Variants in ARHGAP24 observed in about 807,000 individuals in gnomAD.
ARHGAP24 encodes the protein rho GTPase-activating protein 24.
A neutral mutation model predicts 76.4 loss-of-function variants in ARHGAP24; 50 were observed. That is an observed-to-expected ratio of 0.65 (90% CI 0.52 to 0.83). The LOEUF (loss-of-function observed/expected upper bound fraction) is 0.83, where lower values mean the gene tolerates loss of function less well. Ranked by LOEUF, ARHGAP24 falls within the 40% of genes least tolerant of loss-of-function variation. ARHGAP24 has a pLI of 0.00. For synonymous variants in ARHGAP24, 345 were observed against 323.3 expected (o/e 1.07, Z -0.72); for missense variants, 930 against 914.2 (o/e 1.02, Z -0.22).
chr4:85,682,548 C>A (rs528385240), intron 2 of ARHGAP24, among the ~76,000 whole-genome samples: 1 of 152,090 alleles, frequency 6.6e-6, no homozygotes, highest in Non-Finnish European at 1.5e-5. Context: ...TGGGAGCCAG[C>A]AAGAAGAGAG....
chr4:85,813,027 T>A (rs1246828556), intron 3 of ARHGAP24, among the ~76,000 whole-genome samples: 1 of 152,168 alleles, frequency 6.6e-6, no homozygotes, highest in African/African-American at 2.4e-5. Flanking sequence ...ACAGTTTCTT[T>A]TTTCACCCCT....
intron 2 of ARHGAP24, among the ~76,000 whole-genome samples, chr4:85,573,025 C>T (rs985731583): frequency 1.3e-4 from 20 of 151,658 alleles, no homozygotes; most frequent in East Asian, 1.9e-4. Context: ...TACATGAGTG[C>T]GCCACCACAC....
At chr4:86,000,458 C>CA (rs202024629) in intron 9 of ARHGAP24, 21 bp from the exon 10 acceptor site, 19 of 753,366 alleles carry the variant, frequency 2.5e-5, no homozygotes, top group Middle Eastern at 3.0e-4. Flanking sequence ...CACCCCCCAC[C>CA]CCCCCCAACA....
chr4:85,650,161 G>A (rs1721882332), intron 2 of ARHGAP24, among the ~76,000 whole-genome samples: 2 of 137,516 alleles, frequency 1.5e-5, no homozygotes, highest in Non-Finnish European at 2.9e-5. Flanking sequence ...GAATTATCTA[G>A]CATGTGTTCC....
chr4:85,727,380 C>A (rs1413297375), intron 3 of ARHGAP24, among the ~76,000 whole-genome samples: 1 of 151,928 alleles, frequency 6.6e-6, no homozygotes, highest in Non-Finnish European at 1.5e-5. Context: ...TTTTTTAGCA[C>A]CTATTTATAA....
At chr4:85,513,905 T>G (rs191423685) in intron 1 of ARHGAP24, among the ~76,000 whole-genome samples, 2 of 152,296 alleles carry the variant, frequency 1.3e-5, no homozygotes, top group Non-Finnish European at 2.9e-5. Context: ...TGCAGTATCT[T>G]CACTTGCTCT....
chr4:85,505,397 T>G (rs748164865), intron 1 of ARHGAP24, among the ~76,000 whole-genome samples: 1 of 152,234 alleles, frequency 6.6e-6, no homozygotes, highest in East Asian at 1.9e-4. Flanking sequence ...TAGTCCCATA[T>G]TTCTTGGAGG....
At chr4:85,617,843 T>C (rs576596235) in intron 2 of ARHGAP24, among the ~76,000 whole-genome samples, 1 of 152,320 alleles carries the variant, frequency 6.6e-6, no homozygotes, top group South Asian at 2.1e-4. Flanking sequence ...GCTTCCAGCT[T>C]TATTGATGTA....
chr4:85,736,480 T>C (rs13136153), intron 3 of ARHGAP24, among the ~76,000 whole-genome samples: 22,963 of 152,230 alleles, frequency 0.15, 2,394 homozygotes, highest in East Asian at 0.55. Flanking sequence ...CTACAGTAAT[T>C]CTGTGATTCA....
At chr4:85,998,810 T>A (rs1461409393) in intron 9 of ARHGAP24, among the ~76,000 whole-genome samples, 1 of 152,158 alleles carries the variant, frequency 6.6e-6, no homozygotes, top group Non-Finnish European at 1.5e-5. Flanking sequence ...TCAGTTAAAT[T>A]ACTTGTAGTT....
At chr4:85,648,497 A>T (rs1721810026) in intron 2 of ARHGAP24, among the ~76,000 whole-genome samples, 1 of 152,076 alleles carries the variant, frequency 6.6e-6, no homozygotes, top group Non-Finnish European at 1.5e-5. Flanking sequence ...ATTTACATAT[A>T]TATTATACAC....
chr4:85,492,627 C>T (rs1238612962), intron 1 of ARHGAP24, among the ~76,000 whole-genome samples: 2 of 152,144 alleles, frequency 1.3e-5, no homozygotes, highest in African/African-American at 2.4e-5. Context: ...ACAAATGATA[C>T]TTATTGCTAC....
intron 3 of ARHGAP24, among the ~76,000 whole-genome samples, chr4:85,745,122 C>T (rs796123434): frequency 4.6e-5 from 7 of 151,844 alleles, no homozygotes; most frequent in African/African-American, 1.4e-4. Context: ...CCCAGGAAAA[C>T]GTGAAAAGGA....
rs1734544637 is a variant in ARHGAP24 at position 85,902,346 on chromosome 4, AT to A, written c.269-21299del. Among the ~76,000 whole-genome samples the A allele has an allele frequency of 2.0e-5, 3 of 152,288 alleles. No homozygotes were observed. The South Asian group carries it at 6.2e-4, about 32-fold the overall frequency. Reference sequence around the variant, plus strand: ...CAACTAGAGCCTACAGATCTATGGCATTTAGAGACTGTATTTTCTTTCCCAA... The same window carrying A: ...CAACTAGAGCCTACAGATCTATGGCATTAGAGACTGTATTTTCTTTCCCAA... On this transcript the variant is annotated intron_variant, in intron 3 of 9. Coordinates refer to ENST00000395184, the MANE Select transcript of ARHGAP24 (RefSeq NM_001025616.3).
Position 85,632,874 on chromosome 4 carries a change from G to A in ARHGAP24, c.180+62153G>A, listed in dbSNP as rs1229785471. Among the ~76,000 whole-genome samples the A allele has an allele frequency of 2.6e-5, 4 of 151,968 alleles. No homozygotes were observed. In the East Asian group the frequency reaches 5.8e-4, roughly 22 times the overall value. ...TGTTTTCCCTAATGAGATAACAGAT[G>A]TTCTAGGATGCTAATTACCCCAGGA... On this transcript the variant is annotated intron_variant, in intron 2 of 9. Transcript: ENST00000395184.
At chr4:85,699,387 C>T (rs13147689) in intron 2 of ARHGAP24, among the ~76,000 whole-genome samples, 27,013 of 152,004 alleles carry the variant, frequency 0.18, 3,026 homozygotes, top group East Asian at 0.58. Flanking sequence ...TGAGCCCAGG[C>T]GTTTGAGACC....
At chr4:85,901,983 A>AC (rs1734520776) in intron 3 of ARHGAP24, among the ~76,000 whole-genome samples, 1 of 149,386 alleles carries the variant, frequency 6.7e-6, no homozygotes, top group Admixed American at 6.6e-5. Flanking sequence ...CTTGCACTCC[A>AC]CCCCCCAACA....
chr4:85,608,173 T>G (rs1489439030), intron 2 of ARHGAP24, among the ~76,000 whole-genome samples: 1 of 152,102 alleles, frequency 6.6e-6, no homozygotes, highest in Non-Finnish European at 1.5e-5. Context: ...TGAATTGAAT[T>G]GAAAAAGGCA....
At chr4:85,783,954 A>G (rs1048775323) in intron 3 of ARHGAP24, among the ~76,000 whole-genome samples, 4 of 152,170 alleles carry the variant, frequency 2.6e-5, no homozygotes, top group Admixed American at 6.5e-5. Flanking sequence ...CCTCTTCTAC[A>G]TGAAACAAAC....
Sources: allele counts gnomAD v4.1 joint callset (sites outside exome capture counted in the v4.1 genomes callset), GRCh38; gene constraint gnomAD v4.1.1; transcripts MANE v1.5; gene names NCBI Gene and HGNC (gene_info 2026-07-23, HGNC 2026-07-21).